PKN2: variants seen among roughly 807,000 people sequenced by gnomAD.
The protein encoded by PKN2 is protein kinase N2.
PKN2 carries 38 observed loss-of-function variants against 119.1 expected under a neutral mutation model. That is an observed-to-expected ratio of 0.32 (90% CI 0.25 to 0.42). The LOEUF is 0.42. Among genes scored for constraint, PKN2 ranks in the 10% least tolerant of loss-of-function variants. The pLI is 1.00. For synonymous variants in PKN2, 390 were observed against 384.9 expected, an observed-to-expected ratio of 1.01 and a Z score of -0.15; for missense variants, 850 against 1,165.1, an observed-to-expected ratio of 0.73 and a Z score of 3.94.
At chr1:88,703,734 C>T (rs1380522157) in intron 1 of PKN2, among the ~76,000 whole-genome samples, 1 of 151,982 alleles carries the variant, frequency 6.6e-6, no homozygotes, top group African/African-American at 2.4e-5. Flanking sequence ...TCTATAGTTC[C>T]ATGAAGTATT....
chr1:88,805,471 G>A (rs778232573), intron 10 of PKN2, 26 bp from the exon 11 acceptor site: 2 of 1,540,122 alleles, frequency 1.3e-6, no homozygotes, highest in South Asian at 1.2e-5. Flanking sequence ...ATTACTTGCT[G>A]TTTTTGTTTT....
chr1:88,802,191 A>T (rs1671341105), intron 8 of PKN2, among the ~76,000 whole-genome samples: 1 of 152,202 alleles, frequency 6.6e-6, no homozygotes, highest in African/African-American at 2.4e-5. Context: ...TTAAATCAAG[A>T]TGAGCTTTGA....
chr1:88,814,110 T>C (rs975971527), intron 16 of PKN2, among the ~76,000 whole-genome samples: 26 of 152,190 alleles, frequency 1.7e-4, no homozygotes, highest in African/African-American at 6.0e-4. Flanking sequence ...AGAGTCTGTA[T>C]CATATATTTA....
At chr1:88,803,994 A>G (rs1182619382) in intron 8 of PKN2, among the ~76,000 whole-genome samples, 1 of 152,204 alleles carries the variant, frequency 6.6e-6, no homozygotes, top group Non-Finnish European at 1.5e-5. Context: ...AAGGTTTCAA[A>G]TGAGTTATTT....
At chr1:88,689,771 A>T (rs906567508) in intron 1 of PKN2, among the ~76,000 whole-genome samples, 1 of 152,186 alleles carries the variant, frequency 6.6e-6, no homozygotes, top group Non-Finnish European at 1.5e-5. Flanking sequence ...AGATCACGCA[A>T]CTGCACTCCA....
intron 6 of PKN2, among the ~76,000 whole-genome samples, chr1:88,772,702 T>C (rs1669944951): frequency 6.6e-6 from 1 of 152,178 alleles, no homozygotes; most frequent in Non-Finnish European, 1.5e-5. Context: ...AGGAATATAA[T>C]TGCTAGGTCA....
chr1:88,819,030 CAA>C (rs1271360372), intron 16 of PKN2, among the ~76,000 whole-genome samples: 1 of 149,986 alleles, frequency 6.7e-6, no homozygotes, highest in African/African-American at 2.5e-5. Context: ...AAAGTTAACT[CAA>C]GATGGATTAA....
chr1:88,771,713 T>C lies in PKN2; in HGVS notation c.819T>C (p.Tyr273=), dbSNP rs201690209. The change falls in exon 6 of 22, where the codon TAT becomes TAC. Residue 273 remains tyrosine (Y), a synonymous_variant. Transcript: ENST00000370521. ...GTCAGAAGTTGGACCTTTTAAAGTA[T>C]TCATTAGAGCAAAGATTAAACGAAG... ...ESSQKLDLLK[Y]SLEQRLNEVP... is the part of the protein sequence containing the mutation. The C allele has an allele frequency of 2.5e-6, 4 of 1,613,854 alleles. No individual in the cohort carries two copies. Among genetic ancestry groups the C allele is most frequent in the Non-Finnish European group, 3.4e-6 (4 of 1,179,944 alleles).
chr1:88,746,812 T>C (rs559370184), intron 2 of PKN2, among the ~76,000 whole-genome samples: 4 of 152,296 alleles, frequency 2.6e-5, no homozygotes, highest in African/African-American at 9.6e-5. Context: ...CACTCCTATG[T>C]TCATTCCAGC....
chr1:88,736,802 G>A (rs1319825055), intron 1 of PKN2, among the ~76,000 whole-genome samples: 1 of 152,128 alleles, frequency 6.6e-6, no homozygotes, highest in East Asian at 1.9e-4. Context: ...TTGAGCCCTT[G>A]GCCACTATCA....
At chr1:88,762,009 TGTAGA>T (rs1353890134) in intron 3 of PKN2, among the ~76,000 whole-genome samples, 7 of 152,174 alleles carry the variant, frequency 4.6e-5, no homozygotes, top group South Asian at 2.1e-4. Context: ...GCTACTGCCC[TGTAGA>T]GTAAAGTTTT....
intron 1 of PKN2, among the ~76,000 whole-genome samples, chr1:88,723,410 G>GCCCCCC (rs35424856): frequency 8.0e-6 from 1 of 125,128 alleles, no homozygotes; most frequent in African/African-American, 3.1e-5. Flanking sequence ...ACCGTGCCCT[G>GCCCCCC]CCCCCCCCCC....
intron 8 of PKN2, among the ~76,000 whole-genome samples, chr1:88,799,286 C>G (rs1289349781): frequency 1.3e-5 from 2 of 152,200 alleles, no homozygotes; most frequent in Non-Finnish European, 2.9e-5. Context: ...TTATCTCTGT[C>G]TCCTACTGTT....
At chr1:88,832,679 GA>G in intron 19 of PKN2, 64 bp from the exon 20 acceptor site, 1 of 804,098 alleles carries the variant, frequency 1.2e-6, no homozygotes, top group Non-Finnish European at 2.1e-6. Flanking sequence ...GTTGTACTTT[GA>G]ATGGGTGATA....
chr1:88,807,242 A>G, intron 12 of PKN2, 71 bp from the exon 13 acceptor site: 1 of 1,009,450 alleles, frequency 9.9e-7, no homozygotes. Flanking sequence ...GTTTTTCCTT[A>G]ATTTTATCAT....
chr1:88,734,079 G>A (rs995137117), intron 1 of PKN2, among the ~76,000 whole-genome samples: 11 of 151,452 alleles, frequency 7.3e-5, no homozygotes, highest in African/African-American at 2.7e-4. Context: ...GATCACTTGA[G>A]CTCAATGTTT....
chr1:88,761,358 A>AT (rs1669433213), intron 3 of PKN2, among the ~76,000 whole-genome samples: 1 of 152,002 alleles, frequency 6.6e-6, no homozygotes, highest in Admixed American at 6.5e-5. Context: ...TTTAGTAGAT[A>AT]TTTTTTAAAT....
At chr1:88,832,885 A>G in intron 20 of PKN2, 34 bp downstream of exon 20, 1 of 1,343,602 alleles carries the variant, frequency 7.4e-7, no homozygotes, top group Non-Finnish European at 1.0e-6. Flanking sequence ...AATTTTTTAA[A>G]GACTACTTTA....
chr1:88,732,264 AAAG>A (rs1668170496), intron 1 of PKN2, among the ~76,000 whole-genome samples: 1 of 152,232 alleles, frequency 6.6e-6, no homozygotes, highest in Non-Finnish European at 1.5e-5. Flanking sequence ...AAGGTTAAAA[AAAG>A]AAGTGGAGAA....
Sources: gnomAD v4.1 joint callset for allele counts (sites outside exome capture counted in the v4.1 genomes callset) on GRCh38, gnomAD v4.1.1 for gene constraint, MANE v1.5 for transcripts, NCBI Gene and HGNC (gene_info 2026-07-23, HGNC 2026-07-21) for gene names.